The following AKAP9 variants were observed in gnomAD, a reference collection of about 807,000 sequenced individuals.
AKAP9 encodes the protein A-kinase anchoring protein 9.
AKAP9 carries 311 observed loss-of-function variants against 488.5 expected under a neutral mutation model. The ratio of observed to expected loss-of-function variants is 0.64; its 90% CI spans 0.58 to 0.70. AKAP9 has a LOEUF of 0.70. Ranked by LOEUF, AKAP9 falls within the 30% of genes least tolerant of loss-of-function variation. The probability of loss-of-function intolerance (pLI) is 0.00; values close to 1 mark genes in which losing one functional copy is unlikely to be tolerated. For synonymous variants in AKAP9, 1,462 were observed against 1,483.5 expected, an observed-to-expected ratio of 0.99 and a Z score of 0.33; for missense variants, 4,215 against 4,374.5, an observed-to-expected ratio of 0.96 and a Z score of 1.03.
At chr7:92,049,704 G>GT (rs1207088723) in intron 21 of AKAP9, among the ~76,000 whole-genome samples, 4 of 151,778 alleles carry the variant, frequency 2.6e-5, no homozygotes, top group East Asian at 3.9e-4. Flanking sequence ...TTTAAATTTG[G>GT]TTTTTTCTTG....
intron 7 of AKAP9, among the ~76,000 whole-genome samples, chr7:91,998,476 T>TA (rs1471723746): frequency 1.5e-5 from 2 of 137,598 alleles, no homozygotes; most frequent in Non-Finnish European, 3.1e-5. Flanking sequence ...GTAAGTGGTT[T>TA]AAAACCATGT....
chr7:92,063,570 G>A (rs1810265259), intron 24 of AKAP9: 1 of 848,662 alleles, frequency 1.2e-6, no homozygotes, highest in African/African-American at 1.8e-5. Context: ...GGGTGACCTG[G>A]ATTTTCAGCC....
chr7:92,037,783 T>C (rs1369087870), intron 16 of AKAP9, among the ~76,000 whole-genome samples: 2 of 152,238 alleles, frequency 1.3e-5, no homozygotes, highest in African/African-American at 4.8e-5. Context: ...TGCACAATTA[T>C]ATAATTACAA....
chr7:92,101,111 T>C, intron 45 of AKAP9, 55 bp downstream of exon 45: 1 of 1,550,862 alleles, frequency 6.4e-7, no homozygotes, highest in Non-Finnish European at 8.8e-7. Context: ...TTTGCCTTCT[T>C]TCATCTCTCA....
rs770002854 is a variant in AKAP9 at position 92,061,297 on chromosome 7, G to A, written c.5639G>A (p.Arg1880His). ...AAAGTGACACAGACAGAGTTGATGC[G>A]TGAGTCATTTAGACAGAAACAAGAA... The part of the protein sequence containing the change: ...HAKVTQTELM[R>H]ESFRQKQEAT... The change falls in exon 23 of 50, where the codon CGT (arginine) becomes CAT (histidine). Residue 1880 changes from arginine (R) to histidine (H), a missense_variant. This residue lies in a region of AKAP9 where 2,361 missense variants were observed against 2,430.0 expected (regional missense o/e 0.97). Coordinates refer to ENST00000356239, the MANE Select transcript of AKAP9 (RefSeq NM_005751.5). The A allele has an allele frequency of 3.8e-5, 61 of 1,612,500 alleles. No homozygotes were observed. Among genetic ancestry groups the A allele is most frequent in the Admixed American group, 1.0e-4 (6 of 59,868 alleles).
intron 40 of AKAP9, 28 bp downstream of exon 40, chr7:92,095,201 T>C: frequency 6.2e-7 from 1 of 1,613,626 alleles, no homozygotes; most frequent in Non-Finnish European, 8.5e-7. Context: ...TTTAAATGTC[T>C]GGAAAATCCA....
chr7:92,041,914 T>C (rs1345093800), intron 18 of AKAP9, 132 bp from the exon 19 acceptor site: 1 of 951,452 alleles, frequency 1.1e-6, no homozygotes, highest in Non-Finnish European at 1.6e-6. Flanking sequence ...TTTTAACCCC[T>C]TACGATGGAA....
intron 12 of AKAP9, among the ~76,000 whole-genome samples, chr7:92,018,824 G>T (rs1801908770): frequency 6.6e-6 from 1 of 152,090 alleles, no homozygotes; most frequent in East Asian, 1.9e-4. Flanking sequence ...GTTTAGGTCA[G>T]TCCTTCTGAG....
At chr7:92,070,498 G>A (rs1489997756) in intron 27 of AKAP9, among the ~76,000 whole-genome samples, 8 of 151,756 alleles carry the variant, frequency 5.3e-5, no homozygotes, top group African/African-American at 1.7e-4. Context: ...GCAATGGTGC[G>A]ACCTCAGCTT....
chr7:91,988,039 G>C (rs1025146733), intron 3 of AKAP9, among the ~76,000 whole-genome samples: 4 of 151,782 alleles, frequency 2.6e-5, no homozygotes, highest in African/African-American at 9.7e-5. Context: ...AATTAGCAAG[G>C]CATAGTGGCG....
At chr7:92,037,169 A>G (rs1423786929) in intron 16 of AKAP9, among the ~76,000 whole-genome samples, 1 of 152,214 alleles carries the variant, frequency 6.6e-6, no homozygotes, top group Non-Finnish European at 1.5e-5. Context: ...TTTTAGCATT[A>G]TACTTCTAGA....
At chr7:92,071,856 G>A (rs1291724328) in intron 28 of AKAP9, among the ~76,000 whole-genome samples, 3 of 152,128 alleles carry the variant, frequency 2.0e-5, no homozygotes, top group African/African-American at 7.2e-5. Flanking sequence ...GAGAAAAAAG[G>A]CATCTATGTA....
intron 3 of AKAP9, among the ~76,000 whole-genome samples, chr7:91,990,512 CAT>C (rs1030041546): frequency 1.6e-4 from 24 of 152,054 alleles, no homozygotes; most frequent in African/African-American, 4.1e-4. Flanking sequence ...TTTATTATAA[CAT>C]AAATATGTTT....
chr7:92,087,918 A>G (rs1177205026), intron 37 of AKAP9, among the ~76,000 whole-genome samples: 1 of 151,618 alleles, frequency 6.6e-6, no homozygotes, highest in Non-Finnish European at 1.5e-5. Flanking sequence ...TAGTATTACC[A>G]TGGAATGACA....
intron 44 of AKAP9, among the ~76,000 whole-genome samples, chr7:92,100,494 T>G (rs1161100899): frequency 2.0e-5 from 3 of 152,228 alleles, no homozygotes; most frequent in African/African-American, 7.2e-5. Context: ...ACTTATTATG[T>G]ACATACTGGC....
Position 92,093,150 on chromosome 7 carries a change from G to T in AKAP9, c.9412G>T (p.Val3138Leu), listed in dbSNP as rs1453505190. The part of the protein sequence containing the change: ...QKQSQMLEMQ[V>L]ELSSMKDRAT... ...GCAGTCTCAAATGCTGGAGATGCAAGTGGAGCTCAGCAGTATGAAAGACAG... is the reference window on the plus strand; with the variant it reads ...GCAGTCTCAAATGCTGGAGATGCAATTGGAGCTCAGCAGTATGAAAGACAG... Residue 3138 changes from valine (V) to leucine (L), a missense_variant, in exon 39 of 50, where the codon GTG becomes TTG. Coordinates refer to ENST00000356239, the MANE Select transcript of AKAP9 (RefSeq NM_005751.5). 3.1e-6 allele frequency: 5 copies of T among 1,614,200 alleles called. No homozygotes were observed.
intron 22 of AKAP9, among the ~76,000 whole-genome samples, chr7:92,060,749 AT>A (rs533814491): frequency 1.0e-3 from 157 of 152,248 alleles, no homozygotes; most frequent in African/African-American, 3.7e-3. Flanking sequence ...TATAAATATA[AT>A]TTCATTTTGT....
chr7:92,053,084 A>C lies in AKAP9; in HGVS notation c.5601+126A>C. On this transcript the variant is annotated intron_variant, in intron 22 of 49. Transcript: ENST00000356239. Reference sequence around the variant, plus strand: ...TGGCATTTTCAAAGCTTGAATGCATATGCATCTTAATTATCCCTTTGGTTG... The same window carrying C: ...TGGCATTTTCAAAGCTTGAATGCATCTGCATCTTAATTATCCCTTTGGTTG... The C allele has an allele frequency of 4.0e-6, 3 of 741,398 alleles. No individual in the cohort carries two copies. In the South Asian group the frequency reaches 4.5e-5, roughly 11 times the overall value. 45.9% of individuals were successfully genotyped at this position (741,398 alleles called of 1,614,324 possible).
At position 92,015,668 on chromosome 7, in the gene AKAP9, G is replaced by A. The variant is rs192049211; in HGVS notation, c.3613-461G>A. Among the ~76,000 whole-genome samples the A allele has an allele frequency of 1.8e-3, 271 of 152,116 alleles. 1 individual carries two copies. The highest frequency in any genetic ancestry group is 3.1e-3 in the Non-Finnish European group (213 of 67,976). ...CATGAGCCACCACGCCTGGCCTCTT[G>A]TGTTATGAATGTTAAGTATATGAAT... On this transcript the variant is annotated intron_variant, in intron 10 of 49. Coordinates refer to ENST00000356239, the MANE Select transcript of AKAP9 (RefSeq NM_005751.5).
Sources: allele counts gnomAD v4.1 joint callset (sites outside exome capture counted in the v4.1 genomes callset), GRCh38; gene constraint gnomAD v4.1.1; regional missense constraint gnomAD v4.1.1; transcripts MANE v1.5; gene names NCBI Gene and HGNC (gene_info 2026-07-23, HGNC 2026-07-21).